SPON1: variants seen among roughly 807,000 people sequenced by gnomAD.
The protein encoded by SPON1 is spondin 1.
SPON1 carries 52 observed loss-of-function variants against 111.7 expected under a neutral mutation model. The observed-to-expected ratio is 0.47, with a 90% CI of 0.37 to 0.59. The LOEUF is 0.59. SPON1 is among the 20% of genes least tolerant of loss of function. The pLI, the probability that SPON1 is intolerant of heterozygous loss-of-function variation, is 0.00. For missense variants in SPON1, 957 were observed against 1,068.5 expected, an observed-to-expected ratio of 0.90 and a Z score of 1.46; for synonymous variants, 410 against 395.8, an observed-to-expected ratio of 1.04 and a Z score of -0.43.
Position 14,262,192 on chromosome 11 carries a change from T to C in SPON1, c.1997-520T>C, listed in dbSNP as rs144587256. ...TGTTTTTTGCATAGACCACCATATATAGAACACAGGATGATGTTGAGAATG... is the reference window on the plus strand; with the variant it reads ...TGTTTTTTGCATAGACCACCATATACAGAACACAGGATGATGTTGAGAATG... On this transcript the variant is annotated intron_variant, in intron 14 of 15. Transcript: ENST00000576479. 3.0e-4 allele frequency among the ~76,000 whole-genome samples: 46 copies of C among 152,294 alleles called. No homozygotes were observed. In the East Asian group the frequency reaches 8.3e-3, roughly 27 times the overall value.
chr11:14,153,542 T>A (rs1377940038), intron 6 of SPON1, among the ~76,000 whole-genome samples: 1 of 152,156 alleles, frequency 6.6e-6, no homozygotes, highest in African/African-American at 2.4e-5. Context: ...AATGATTCAA[T>A]CACCTCCCAC....
chr11:14,260,890 G>GTT (rs1432198212), intron 14 of SPON1, 138 bp downstream of exon 14: 1 of 908,190 alleles, frequency 1.1e-6, no homozygotes, highest in African/African-American at 1.7e-5. Context: ...GGCTTTCAGT[G>GTT]TTTGCAGTTA....
intron 4 of SPON1, among the ~76,000 whole-genome samples, chr11:14,079,539 T>C (rs1435668484): frequency 6.6e-6 from 1 of 152,026 alleles, no homozygotes; most frequent in Non-Finnish European, 1.5e-5. Flanking sequence ...AATCCTGTTG[T>C]GGGAGGGGTG....
intron 2 of SPON1, among the ~76,000 whole-genome samples, chr11:14,032,552 TA>T (rs1242303447): frequency 6.6e-6 from 1 of 152,166 alleles, no homozygotes; most frequent in Non-Finnish European, 1.5e-5. Context: ...GCTTCGTCAA[TA>T]CTATCTCATC....
intron 6 of SPON1, among the ~76,000 whole-genome samples, chr11:14,193,226 G>A (rs1248019277): frequency 6.6e-6 from 1 of 152,146 alleles, no homozygotes; most frequent in Admixed American, 6.5e-5. Flanking sequence ...TGAGAAACAG[G>A]GTAAAAGCAG....
At chr11:13,963,696 G>A (rs1483986697) in intron 1 of SPON1, among the ~76,000 whole-genome samples, 1 of 152,252 alleles carries the variant, frequency 6.6e-6, no homozygotes, top group East Asian at 2.0e-4. Flanking sequence ...CGGTCCCGGG[G>A]TGCGGGAAGG....
rs182970159 is a variant in SPON1, at chr11:14,162,910, G to A, written c.825+27342G>A. On this transcript the variant is annotated intron_variant, in intron 6 of 15. Coordinates refer to ENST00000576479, the MANE Select transcript of SPON1 (RefSeq NM_006108.4). ...TACTACAGAGGGAATGGCAAGCATC[G>A]GCTGGTCCTGCAAAGAGGTTAAGTG... Among the ~76,000 whole-genome samples, 418 of 152,298 alleles carry A rather than the reference G, an allele frequency of 2.7e-3. 2 individuals are homozygous for A. Among genetic ancestry groups the A allele is most frequent in the Middle Eastern group, 0.01 (3 of 294 alleles).
intron 6 of SPON1, among the ~76,000 whole-genome samples, chr11:14,206,737 CACAA>C (rs1165523080): frequency 6.6e-6 from 1 of 152,072 alleles, no homozygotes; most frequent in Non-Finnish European, 1.5e-5. Flanking sequence ...TCACAGATGA[CACAA>C]ACAAATGGAA....
At chr11:13,968,393 G>A (rs1451894141) in intron 1 of SPON1, among the ~76,000 whole-genome samples, 1 of 152,194 alleles carries the variant, frequency 6.6e-6, no homozygotes. Flanking sequence ...TTAGCCGTGT[G>A]TAGCTATGAA....
chr11:14,226,335 T>G (rs1848738682), intron 6 of SPON1, among the ~76,000 whole-genome samples: 1 of 152,218 alleles, frequency 6.6e-6, no homozygotes, highest in Non-Finnish European at 1.5e-5. Context: ...GCTGAAAATA[T>G]CCTAAGTGGA....
chr11:14,140,037 C>T (rs569260344), intron 6 of SPON1, among the ~76,000 whole-genome samples: 34 of 152,212 alleles, frequency 2.2e-4, no homozygotes, highest in African/African-American at 7.7e-4. Context: ...TCTACTCAGA[C>T]GAAATTAACA....
At chr11:14,149,990 C>T (rs1163335066) in intron 6 of SPON1, among the ~76,000 whole-genome samples, 3 of 152,124 alleles carry the variant, frequency 2.0e-5, no homozygotes, top group African/African-American at 7.2e-5. Flanking sequence ...CAGGTGATTA[C>T]ACCAGTATGA....
At chr11:14,128,411 C>T (rs535240213) in intron 5 of SPON1, among the ~76,000 whole-genome samples, 2 of 152,236 alleles carry the variant, frequency 1.3e-5, no homozygotes, top group East Asian at 3.8e-4. Flanking sequence ...AATCTTAAAG[C>T]TCCAAAATAA....
chr11:14,260,105 T>C (rs1210669860), intron 13 of SPON1, among the ~76,000 whole-genome samples: 1 of 152,212 alleles, frequency 6.6e-6, no homozygotes, highest in Non-Finnish European at 1.5e-5. Flanking sequence ...CCATAAAGCA[T>C]GACCTCCCCT....
At chr11:14,215,222 C>A (rs1274843838) in intron 6 of SPON1, among the ~76,000 whole-genome samples, 1 of 152,136 alleles carries the variant, frequency 6.6e-6, no homozygotes, top group Non-Finnish European at 1.5e-5. Context: ...CCAGCCCACT[C>A]TGCCATTTGT....
intron 6 of SPON1, among the ~76,000 whole-genome samples, chr11:14,218,485 G>A (rs1591415314): frequency 1.3e-5 from 2 of 152,166 alleles, no homozygotes; most frequent in East Asian, 3.8e-4. Flanking sequence ...ACATCCTAAT[G>A]ATTTCTGTGT....
chr11:14,005,567 C>A (rs1848352784), intron 2 of SPON1, among the ~76,000 whole-genome samples: 1 of 152,176 alleles, frequency 6.6e-6, no homozygotes, highest in African/African-American at 2.4e-5. Context: ...AAGCCTGGGG[C>A]TTTTCAAATT....
chr11:14,103,697 T>C (rs889388557), intron 5 of SPON1, among the ~76,000 whole-genome samples: 4 of 152,256 alleles, frequency 2.6e-5, no homozygotes, highest in African/African-American at 4.8e-5. Flanking sequence ...GAGGAGCACA[T>C]GCTAATTCAC....
At position 14,002,095 on chromosome 11, in the gene SPON1, C is replaced by T. The variant is rs574690029; in HGVS notation, c.345+19142C>T. ...AACAAGCAAAACTGGTAAAAATATA[C>T]AACAATTTGATGAACAAGAAGGAAA... On this transcript the variant is annotated intron_variant, in intron 2 of 15. Transcript: ENST00000576479. 5.5e-4 allele frequency among the ~76,000 whole-genome samples: 83 copies of T among 152,224 alleles called. No homozygotes were observed. The South Asian group carries it at 0.016, about 30-fold the overall frequency.
Sources: gnomAD v4.1 joint callset for allele counts (sites outside exome capture counted in the v4.1 genomes callset) on GRCh38, gnomAD v4.1.1 for gene constraint, MANE v1.5 for transcripts, NCBI Gene and HGNC (gene_info 2026-07-23, HGNC 2026-07-21) for gene names.